The following ITGA9 variants were observed in gnomAD, a reference collection of about 807,000 sequenced individuals.
ITGA9 encodes the protein integrin alpha-9.
In ITGA9, 56 loss-of-function variants were observed where a neutral mutation model predicts 127.8. That is an observed-to-expected ratio of 0.44 (90% CI 0.35 to 0.55). The LOEUF is 0.55. Ranked by LOEUF, ITGA9 falls within the 20% of genes least tolerant of loss-of-function variation. The pLI, the probability that ITGA9 is intolerant of heterozygous loss-of-function variation, is 0.00. For synonymous variants in ITGA9, 508 were observed against 514.5 expected (o/e 0.99, Z 0.17); for missense variants, 1,196 against 1,347.1 (o/e 0.89, Z 1.76).
chr3:37,625,749 G>A (rs549357741), intron 15 of ITGA9, among the ~76,000 whole-genome samples: 2 of 152,230 alleles, frequency 1.3e-5, no homozygotes, highest in Admixed American at 1.3e-4. Flanking sequence ...AAAGGAAACC[G>A]CTAAATTGTG....
At chr3:37,472,577 G>T (rs1177263962) in intron 2 of ITGA9, among the ~76,000 whole-genome samples, 2 of 151,988 alleles carry the variant, frequency 1.3e-5, no homozygotes, top group East Asian at 1.9e-4. Flanking sequence ...TGTGTTTTTA[G>T]TGGAGACGGG....
At chr3:37,648,268 G>A (rs1700398501) in intron 16 of ITGA9, among the ~76,000 whole-genome samples, 1 of 152,152 alleles carries the variant, frequency 6.6e-6, no homozygotes, top group Non-Finnish European at 1.5e-5. Context: ...GAATTTCCCT[G>A]ATGATTAGTG....
intron 15 of ITGA9, among the ~76,000 whole-genome samples, chr3:37,606,030 C>G (rs957943648): frequency 2.6e-5 from 4 of 152,214 alleles, no homozygotes; most frequent in African/African-American, 9.7e-5. Context: ...GCCACATGCT[C>G]TCAGCACCAG....
chr3:37,717,749 G>A (rs183879945), intron 18 of ITGA9, among the ~76,000 whole-genome samples: 10 of 152,300 alleles, frequency 6.6e-5, no homozygotes, highest in African/African-American at 2.4e-4. Context: ...CACAAATCCA[G>A]ACCATATCAG....
rs139597690 is a variant in ITGA9, at chr3:37,517,582, G to A, written c.1114G>A (p.Asp372Asn). 2.9e-4 allele frequency: 460 copies of A among 1,589,938 alleles called. No individual in the cohort carries two copies. Among genetic ancestry groups the A allele is most frequent in the Non-Finnish European group, 3.6e-4 (421 of 1,167,706 alleles). Residue 372 changes from aspartate (D) to asparagine (N), a missense_variant, in exon 10 of 28, where the codon GAC becomes AAC. Asp to Asn is a conservative substitution (Grantham distance 23). Coordinates refer to ENST00000264741, the MANE Select transcript of ITGA9 (RefSeq NM_002207.3). ...CTTTGGAGAGAGCATTGCCAGCCTG[G>A]ACGATCTGGACAATGATGGGTTCCC... Reference protein sequence around the residue: ...AHFGESIASLDDLDNDGFPDV... With the variant: ...AHFGESIASLNDLDNDGFPDV...
chr3:37,503,060 G>A, intron 5 of ITGA9, 118 bp from the exon 6 acceptor site: 2 of 1,152,610 alleles, frequency 1.7e-6, no homozygotes, highest in Non-Finnish European at 2.5e-6. Context: ...CTTAGCTGGG[G>A]AAAAAAAAGT....
intron 27 of ITGA9, 111 bp from the exon 28 acceptor site, chr3:37,818,780 C>T: frequency 1.3e-6 from 1 of 793,322 alleles, no homozygotes; most frequent in Non-Finnish European, 2.2e-6. Flanking sequence ...TCCAAGCCTC[C>T]CCAGCCCTGT....
intron 16 of ITGA9, among the ~76,000 whole-genome samples, chr3:37,653,048 C>T (rs1269709257): frequency 2.0e-5 from 3 of 152,220 alleles, no homozygotes; most frequent in African/African-American, 7.2e-5. Flanking sequence ...CATGCCAAGA[C>T]TTGGCCCCAG....
chr3:37,708,653 A>T (rs1409566597), intron 18 of ITGA9, among the ~76,000 whole-genome samples: 1 of 152,292 alleles, frequency 6.6e-6, no homozygotes, highest in African/African-American at 2.4e-5. Context: ...TAAATACCCC[A>T]CAATGCACAG....
At chr3:37,657,225 C>T (rs1333619964) in intron 17 of ITGA9, among the ~76,000 whole-genome samples, 3 of 152,118 alleles carry the variant, frequency 2.0e-5, no homozygotes, top group East Asian at 1.9e-4. Context: ...AGGGAGGAGT[C>T]CCTCTTGTTC....
At chr3:37,543,448 C>T (rs1044461765) in intron 15 of ITGA9, among the ~76,000 whole-genome samples, 2 of 152,170 alleles carry the variant, frequency 1.3e-5, no homozygotes, top group Admixed American at 6.5e-5. Context: ...ACACAGTAGT[C>T]CTTACCTTGA....
chr3:37,613,425 C>T (rs1036325866), intron 15 of ITGA9, among the ~76,000 whole-genome samples: 3 of 152,164 alleles, frequency 2.0e-5, no homozygotes, highest in South Asian at 4.2e-4. Flanking sequence ...AATAAACATA[C>T]GTGTGCATGT....
At chr3:37,565,073 T>A (rs1224104974) in intron 15 of ITGA9, among the ~76,000 whole-genome samples, 1 of 152,216 alleles carries the variant, frequency 6.6e-6, no homozygotes, top group African/African-American at 2.4e-5. Flanking sequence ...CACCTCTGCA[T>A]GGCCAGCCTG....
rs941394821 is a variant in ITGA9 at position 37,822,551 on chromosome 3, G to A, written c.*3562G>A. 1 of 152,210 alleles carries A rather than the reference G, an allele frequency of 6.6e-6. No individual in the cohort carries two copies. The allele number at this position is 152,210 out of a possible 1,614,324, so 9.4% of individuals were successfully genotyped here. ...TCTTTAGGAAAACTGTCAGCATCAT[G>A]GGTACTCAGAGGTATGGTAGACCTT... On this transcript the variant is annotated 3_prime_UTR_variant, in exon 28 of 28. Transcript: ENST00000264741.
Position 37,497,901 on chromosome 3 carries a change from A to G in ITGA9, c.612+3333A>G, listed in dbSNP as rs1364272079. Among the ~76,000 whole-genome samples the G allele has an allele frequency of 5.3e-5, 8 of 152,242 alleles. 1 individual carries two copies. Among genetic ancestry groups the G allele is most frequent in the Admixed American group, 5.2e-4 (8 of 15,288 alleles). On this transcript the variant is annotated intron_variant, in intron 5 of 27. Coordinates refer to ENST00000264741, the MANE Select transcript of ITGA9 (RefSeq NM_002207.3). ...GGTTTGCCCAGAACTTTGGGAGTGG[A>G]AGGGCCTGAAGGGAGGCCTGGTAGG...
intron 15 of ITGA9, among the ~76,000 whole-genome samples, chr3:37,579,744 C>G (rs1022192658): frequency 6.6e-6 from 1 of 152,114 alleles, no homozygotes; most frequent in Admixed American, 6.5e-5. Flanking sequence ...TCTAACCCTC[C>G]TATCAGATCC....
At chr3:37,456,758 G>T (rs1423393473) in intron 1 of ITGA9, among the ~76,000 whole-genome samples, 1 of 152,220 alleles carries the variant, frequency 6.6e-6, no homozygotes, top group African/African-American at 2.4e-5. Context: ...CCAAGCCAAG[G>T]AGAACATATC....
At chr3:37,621,778 CTAA>C (rs752014280) in intron 15 of ITGA9, among the ~76,000 whole-genome samples, 136 of 152,322 alleles carry the variant, frequency 8.9e-4, no homozygotes, top group Non-Finnish European at 1.4e-3. Context: ...ACATTTCAGA[CTAA>C]TGATGATATC....
chr3:37,592,017 G>A (rs1262873763), intron 15 of ITGA9, among the ~76,000 whole-genome samples: 1 of 152,140 alleles, frequency 6.6e-6, no homozygotes, highest in Non-Finnish European at 1.5e-5. Flanking sequence ...GGATAGGGGT[G>A]GGCTGAGGAG....
Sources: allele counts gnomAD v4.1 joint callset (sites outside exome capture counted in the v4.1 genomes callset), GRCh38; gene constraint gnomAD v4.1.1; transcripts MANE v1.5; gene names NCBI Gene and HGNC (gene_info 2026-07-23, HGNC 2026-07-21).